Variants in SPOCK3 observed in about 807,000 individuals in gnomAD.
SPOCK3 encodes the protein testican-3.
A neutral mutation model predicts 56.6 loss-of-function variants in SPOCK3; 30 were observed. The observed-to-expected ratio is 0.53, with a 90% CI of 0.40 to 0.72. SPOCK3 has a LOEUF of 0.72. Among genes scored for constraint, SPOCK3 ranks in the 30% least tolerant of loss-of-function variants. SPOCK3 has a pLI of 0.00. For missense variants in SPOCK3, 527 were observed against 530.0 expected, an observed-to-expected ratio of 0.99 and a Z score of 0.06; for synonymous variants, 196 against 183.3, an observed-to-expected ratio of 1.07 and a Z score of -0.56.
At chr4:166,865,001 T>C (rs766873112) in intron 6 of SPOCK3, among the ~76,000 whole-genome samples, 14 of 152,104 alleles carry the variant, frequency 9.2e-5, no homozygotes, top group Non-Finnish European at 1.5e-4. Flanking sequence ...TCCAGGCCAA[T>C]ATCCCTGATG....
intron 3 of SPOCK3, among the ~76,000 whole-genome samples, chr4:167,057,225 C>A (rs1754994890): frequency 6.6e-6 from 1 of 152,142 alleles, no homozygotes; most frequent in African/African-American, 2.4e-5. Flanking sequence ...ACTTTACAGA[C>A]AAGCAAATGC....
intron 4 of SPOCK3, among the ~76,000 whole-genome samples, chr4:166,982,945 A>G (rs868763118): frequency 2.0e-5 from 3 of 152,170 alleles, no homozygotes; most frequent in South Asian, 2.1e-4. Context: ...CTCTTCCCTA[A>G]GTTCTTTCCT....
intron 4 of SPOCK3, among the ~76,000 whole-genome samples, chr4:166,949,723 G>A (rs1248667795): frequency 4.6e-5 from 7 of 152,048 alleles, no homozygotes; most frequent in Admixed American, 6.6e-5. Context: ...AGGAGTACCC[G>A]GCTGTGTGAA....
At chr4:167,071,167 G>T (rs950410530) in intron 2 of SPOCK3, among the ~76,000 whole-genome samples, 2 of 151,970 alleles carry the variant, frequency 1.3e-5, no homozygotes, top group African/African-American at 4.8e-5. Context: ...AAATTGATAT[G>T]CAAAACTTAA....
chr4:166,745,027 G>A (rs28782800), intron 8 of SPOCK3, among the ~76,000 whole-genome samples: 4 of 151,996 alleles, frequency 2.6e-5, no homozygotes, highest in African/African-American at 7.2e-5. Flanking sequence ...GTACGTGAAA[G>A]TGATGGGGAG....
intron 6 of SPOCK3, among the ~76,000 whole-genome samples, chr4:166,839,555 A>G (rs1747012865): frequency 6.6e-6 from 1 of 152,132 alleles, no homozygotes; most frequent in Non-Finnish European, 1.5e-5. Flanking sequence ...GAACTGCCCT[A>G]ACTCCACACT....
intron 2 of SPOCK3, among the ~76,000 whole-genome samples, chr4:167,109,205 AAATAT>A (rs1425467759): frequency 8.4e-5 from 7 of 83,700 alleles, no homozygotes; most frequent in African/African-American, 2.9e-4. Flanking sequence ...ATTTATATAA[AAATAT>A]ATTATATATA....
chr4:167,138,311 G>C (rs1330262654), intron 2 of SPOCK3, among the ~76,000 whole-genome samples: 3 of 151,720 alleles, frequency 2.0e-5, no homozygotes, highest in Admixed American at 6.6e-5. Context: ...TTCCTTCAAT[G>C]TTTAGTCCTA....
chr4:166,805,837 GT>G, intron 6 of SPOCK3, among the ~76,000 whole-genome samples: 2 of 152,162 alleles, frequency 1.3e-5, no homozygotes, highest in African/African-American at 4.8e-5. Flanking sequence ...AAATTTTCAA[GT>G]TCATAAAATA....
chr4:167,160,427 G>A (rs1167251612), intron 2 of SPOCK3, among the ~76,000 whole-genome samples: 1 of 152,116 alleles, frequency 6.6e-6, no homozygotes, highest in East Asian at 1.9e-4. Context: ...CCATGCTCAT[G>A]GGTAGGAAGA....
chr4:166,948,146 T>C lies in SPOCK3; in HGVS notation c.351-35403A>G, dbSNP rs1742015058. On this transcript the variant is annotated intron_variant, in intron 4 of 10. Coordinates refer to ENST00000357545, the MANE Select transcript of SPOCK3 (RefSeq NM_001040159.2). ...CTTTCTGTGCCTGGCTTATTTCACTTAACATAATGTCCTCCAGTTTCATCC... is the reference window on the plus strand; with the variant it reads ...CTTTCTGTGCCTGGCTTATTTCACTCAACATAATGTCCTCCAGTTTCATCC... Among the ~76,000 whole-genome samples, 7 of 152,304 alleles carry C rather than the reference T, an allele frequency of 4.6e-5. 1 individual carries two copies. In the South Asian group the frequency reaches 1.5e-3, roughly 32 times the overall value.
chr4:166,845,112 A>G lies in SPOCK3; in HGVS notation c.589+44018T>C, dbSNP rs144469706. Among the ~76,000 whole-genome samples, 41 of 152,366 alleles carry G rather than the reference A, an allele frequency of 2.7e-4. No homozygotes were observed. The East Asian group carries it at 5.6e-3, about 21-fold the overall frequency. On this transcript the variant is annotated intron_variant, in intron 6 of 10. Coordinates refer to ENST00000357545, the MANE Select transcript of SPOCK3 (RefSeq NM_001040159.2). ...TATGTTAAACAATATAAAATTTTCT[A>G]CTGTAACCCACATTATTCAGTAATA...
chr4:167,219,224 G>A (rs1735661119), intron 2 of SPOCK3, among the ~76,000 whole-genome samples: 3 of 152,192 alleles, frequency 2.0e-5, no homozygotes, highest in Non-Finnish European at 4.4e-5. Flanking sequence ...AGACTAGGAG[G>A]TTGTCTATAA....
chr4:166,829,480 T>A (rs985447097), intron 6 of SPOCK3, among the ~76,000 whole-genome samples: 1 of 152,134 alleles, frequency 6.6e-6, no homozygotes, highest in African/African-American at 2.4e-5. Flanking sequence ...ACCACTTTTT[T>A]AATCAAGTAG....
intron 5 of SPOCK3, among the ~76,000 whole-genome samples, chr4:166,909,839 A>G (rs2127088574): frequency 6.6e-6 from 1 of 152,296 alleles, no homozygotes; most frequent in East Asian, 1.9e-4. Context: ...CAGAAGAAAG[A>G]TCTTGTGATC....
At chr4:167,129,672 T>G (rs563358630) in intron 2 of SPOCK3, among the ~76,000 whole-genome samples, 1 of 152,304 alleles carries the variant, frequency 6.6e-6, no homozygotes, top group East Asian at 1.9e-4. Flanking sequence ...TGTAGAATCA[T>G]AAAACATGTA....
chr4:166,763,830 T>C (rs13143115), intron 7 of SPOCK3, among the ~76,000 whole-genome samples: 50,178 of 151,994 alleles, frequency 0.33, 8,452 homozygotes, highest in Admixed American at 0.42. Context: ...GCTGCTGTAA[T>C]AGATGACCAC....
At chr4:167,201,679 T>C (rs1413438363) in intron 2 of SPOCK3, among the ~76,000 whole-genome samples, 1 of 140,128 alleles carries the variant, frequency 7.1e-6, no homozygotes, top group Non-Finnish European at 1.5e-5. Context: ...AGAAATCACC[T>C]TTTTTTTTTT....
intron 3 of SPOCK3, among the ~76,000 whole-genome samples, chr4:167,021,113 TAAG>T (rs1168743711): frequency 6.6e-6 from 1 of 152,068 alleles, no homozygotes; most frequent in Non-Finnish European, 1.5e-5. Context: ...ATAAAAATTA[TAAG>T]AATACTGGAC....
Sources: gnomAD v4.1 joint callset for allele counts (sites outside exome capture counted in the v4.1 genomes callset) on GRCh38, gnomAD v4.1.1 for gene constraint, MANE v1.5 for transcripts, NCBI Gene and HGNC (gene_info 2026-07-23, HGNC 2026-07-21) for gene names.